The following PHLPP1 variants were observed in gnomAD, a reference collection of about 807,000 sequenced individuals.
PHLPP1 encodes the protein PH domain and leucine rich repeat protein phosphatase 1.
Under a neutral mutation model 117.2 loss-of-function variants are expected in PHLPP1, and 42 were observed. The observed-to-expected ratio is 0.36, with a 90% CI of 0.28 to 0.46. The LOEUF is 0.46. PHLPP1 is among the 20% of genes least tolerant of loss of function. The probability of loss-of-function intolerance (pLI) is 1.00; values close to 1 mark genes in which losing one functional copy is unlikely to be tolerated. For missense variants in PHLPP1, 2,084 were observed against 2,241.9 expected (o/e 0.93, Z 1.42); for synonymous variants, 1,042 against 970.7 (o/e 1.07, Z -1.37).
intron 1 of PHLPP1, among the ~76,000 whole-genome samples, chr18:62,770,334 T>C (rs1912717763): frequency 6.6e-6 from 1 of 152,222 alleles, no homozygotes; most frequent in Non-Finnish European, 1.5e-5. Flanking sequence ...TGTCTCAAGC[T>C]CCTGACCTCA....
intron 8 of PHLPP1, among the ~76,000 whole-genome samples, chr18:62,914,193 T>C (rs1917038661): frequency 6.6e-6 from 1 of 152,226 alleles, no homozygotes; most frequent in African/African-American, 2.4e-5. Flanking sequence ...TCCATGGCTG[T>C]GTTTTCATGA....
At chr18:62,844,666 A>G (rs927566126) in intron 3 of PHLPP1, among the ~76,000 whole-genome samples, 3 of 152,272 alleles carry the variant, frequency 2.0e-5, no homozygotes, top group Middle Eastern at 3.4e-3. Context: ...TCTTCTTACA[A>G]TTACTCTTTT....
intron 1 of PHLPP1, among the ~76,000 whole-genome samples, chr18:62,798,586 ATGT>A (rs914212050): frequency 1.3e-5 from 2 of 152,234 alleles, no homozygotes; most frequent in Non-Finnish European, 2.9e-5. Context: ...TTTTAGAGTT[ATGT>A]TGTTGAAGTA....
At chr18:62,915,381 T>A (rs1265230605) in intron 9 of PHLPP1, among the ~76,000 whole-genome samples, 1 of 152,186 alleles carries the variant, frequency 6.6e-6, no homozygotes, top group African/African-American at 2.4e-5. Flanking sequence ...TAACCATAAA[T>A]ACCTTTTGTT....
At position 62,978,995 on chromosome 18, in the gene PHLPP1, G is replaced by T; in HGVS notation, c.4718G>T (p.Arg1573Leu). Residue 1573 changes from arginine (R) to leucine (L), a missense_variant, in exon 17 of 17, where the codon CGG (arginine) becomes CTG (leucine). Physicochemically the swap from Arg to Leu is moderately radical, Grantham distance 102. Coordinates refer to ENST00000262719, the MANE Select transcript of PHLPP1 (RefSeq NM_194449.4). The surrounding 1 kb of genome is among the most constrained non-coding windows in gnomAD (Gnocchi z 7.0). ...VEVEVDIHCS[R>L]AKEKEKQQHL... ...GTGGAGGTGGACATCCACTGCAGCCGGGCCAAGGAGAAGGAGAAACAGCAG... is the reference window on the plus strand; with the variant it reads ...GTGGAGGTGGACATCCACTGCAGCCTGGCCAAGGAGAAGGAGAAACAGCAG... 7 of 1,612,860 alleles carry T rather than the reference G, an allele frequency of 4.3e-6. No homozygotes were observed. Among genetic ancestry groups the T allele is most frequent in the Non-Finnish European group, 5.9e-6 (7 of 1,179,482 alleles).
Position 62,978,683 on chromosome 18 carries a change from C to T in PHLPP1, c.4406C>T (p.Ser1469Phe), listed in dbSNP as rs1029631353. ...RPSDGLGVPS[S>F]SSGMASEISS... Reference sequence around the variant, plus strand: ...TCAGATGGGCTGGGCGTGCCGTCCTCCAGCAGCGGCATGGCTTCCGAGATT... The same window carrying T: ...TCAGATGGGCTGGGCGTGCCGTCCTTCAGCAGCGGCATGGCTTCCGAGATT... Residue 1469 changes from serine to phenylalanine, a missense_variant, in exon 17 of 17, where the codon TCC becomes TTC. Ser to Phe is a radical substitution (Grantham distance 155, BLOSUM62 -2). Coordinates refer to ENST00000262719, the MANE Select transcript of PHLPP1 (RefSeq NM_194449.4). The surrounding 1 kb of genome is among the most constrained non-coding windows in gnomAD (Gnocchi z 7.0). 3 of 1,613,904 alleles carry T rather than the reference C, an allele frequency of 1.9e-6. No homozygotes were observed. The highest frequency in any genetic ancestry group is 2.5e-6 in the Non-Finnish European group (3 of 1,179,860).
At chr18:62,847,514 TA>T (rs151209419) in intron 3 of PHLPP1, among the ~76,000 whole-genome samples, 8,641 of 152,246 alleles carry the variant, frequency 0.057, 341 homozygotes, top group Middle Eastern at 0.088. Flanking sequence ...TTATCTTTAA[TA>T]AAATAACTTC....
At position 62,979,751 on chromosome 18, in the gene PHLPP1, A is replaced by G. The variant is rs1911321776; in HGVS notation, c.*320A>G. The G allele has an allele frequency of 4.0e-6, 1 of 247,694 alleles. No homozygotes were observed. The highest frequency in any genetic ancestry group is 7.7e-6 in the Non-Finnish European group (1 of 130,500). The allele number at this position is 247,694 out of a possible 1,614,324, so 15.3% of individuals were successfully genotyped here. A position where few individuals can be genotyped will look rare whatever the true frequency, so the allele number is the denominator to read the frequency against. ...TAATGATAATGTAATATTTTTTAAA[A>G]TGGCTTTTTGTTGTTTGTTTGGAAG... On this transcript the variant is annotated 3_prime_UTR_variant, in exon 17 of 17. Coordinates refer to ENST00000262719, the MANE Select transcript of PHLPP1 (RefSeq NM_194449.4).
intron 4 of PHLPP1, 91 bp downstream of exon 4, chr18:62,860,692 G>C (rs1915610736): frequency 9.4e-7 from 1 of 1,066,318 alleles, no homozygotes; most frequent in Non-Finnish European, 1.3e-6. Context: ...CATGAAAAAA[G>C]CTAGTGTGTA....
At position 62,716,436 on chromosome 18, in the gene PHLPP1, G is replaced by A. The variant is rs1194650242; in HGVS notation, c.753G>A (p.Gly251=). The change falls in exon 1 of 17, where the codon GGG becomes GGA. Residue 251 remains glycine (G), a synonymous_variant. Coordinates refer to ENST00000262719, the MANE Select transcript of PHLPP1 (RefSeq NM_194449.4). This position sits in a 1 kb window ranked among gnomAD's most constrained non-coding sequence, Gnocchi z 5.7. ...GCGTGGTGAAGGTGCTGGGCCAGGG[G>A]CCCGGAGCCGCCGCCGCCCGGGAGC... ...GGGVVKVLGQ[G]PGAAAAREPA... is the part of the protein sequence containing the mutation. 4.8e-5 allele frequency: 63 copies of A among 1,325,284 alleles called. No homozygotes were observed. Among genetic ancestry groups the A allele is most frequent in the Non-Finnish European group, 6.0e-5 (62 of 1,041,108 alleles). 82.1% of individuals were successfully genotyped at this position (1,325,284 alleles called of 1,614,324 possible). A position where few individuals can be genotyped will look rare whatever the true frequency, so the allele number is the denominator to read the frequency against.
chr18:62,842,971 G>GGGA (rs1476150716), intron 3 of PHLPP1: 1 of 152,124 alleles, frequency 6.6e-6, no homozygotes, highest in Non-Finnish European at 1.5e-5. Context: ...CGCTCCATTT[G>GGGA]GGAATATATG....
At chr18:62,974,378 T>C (rs1467008299) in intron 15 of PHLPP1, among the ~76,000 whole-genome samples, 1 of 152,218 alleles carries the variant, frequency 6.6e-6, no homozygotes, top group Non-Finnish European at 1.5e-5. Context: ...GATTTCCTAA[T>C]GCATGCAAGT....
At chr18:62,860,356 G>T in intron 3 of PHLPP1, 79 bp from the exon 4 acceptor site, 2 of 1,175,858 alleles carry the variant, frequency 1.7e-6, no homozygotes, top group East Asian at 2.4e-5. Flanking sequence ...TTCCAAATTG[G>T]GATTATCTTA....
chr18:62,815,544 C>A (rs1914248720), intron 1 of PHLPP1, among the ~76,000 whole-genome samples: 1 of 152,172 alleles, frequency 6.6e-6, no homozygotes, highest in Non-Finnish European at 1.5e-5. Flanking sequence ...AGTTTCAGTT[C>A]CTCACCTTGT....
chr18:62,824,260 T>G lies in PHLPP1; in HGVS notation c.1577-5775T>G, dbSNP rs149356945. ...TATTTACCCGAGAGGAATCAAAACA[T>G]TTGTCTATACCAAGACTTGTACACC... On this transcript the variant is annotated intron_variant, in intron 1 of 16. Coordinates refer to ENST00000262719, the MANE Select transcript of PHLPP1 (RefSeq NM_194449.4). The G allele has an allele frequency of 4.2e-5, 19 of 452,826 alleles. No individual in the cohort carries two copies. The East Asian group carries it at 1.3e-3, about 31-fold the overall frequency. 28.1% of individuals were successfully genotyped at this position (452,826 alleles called of 1,614,324 possible). A position where few individuals can be genotyped will look rare whatever the true frequency, so the allele number is the denominator to read the frequency against.
chr18:62,836,135 A>C (rs1410658001), intron 2 of PHLPP1, among the ~76,000 whole-genome samples: 1 of 151,914 alleles, frequency 6.6e-6, no homozygotes, highest in South Asian at 2.1e-4. Context: ...AAAATAAATA[A>C]ATAAATTAAT....
At chr18:62,828,318 G>A (rs1046137546) in intron 1 of PHLPP1, among the ~76,000 whole-genome samples, 2 of 152,110 alleles carry the variant, frequency 1.3e-5, no homozygotes, top group Non-Finnish European at 2.9e-5. Context: ...TCCATCATTG[G>A]CAGCCCTTGG....
At chr18:62,856,242 C>T (rs1915495778) in intron 3 of PHLPP1, among the ~76,000 whole-genome samples, 1 of 152,110 alleles carries the variant, frequency 6.6e-6, no homozygotes, top group Non-Finnish European at 1.5e-5. Context: ...GATCACCTCA[C>T]ACTTCTCAGA....
At chr18:62,780,199 C>T (rs1329391504) in intron 1 of PHLPP1, among the ~76,000 whole-genome samples, 1 of 152,142 alleles carries the variant, frequency 6.6e-6, no homozygotes, top group Non-Finnish European at 1.5e-5. Flanking sequence ...CTTAACTGAA[C>T]ATTAAAACAT....
Sources: allele counts gnomAD v4.1 joint callset (sites outside exome capture counted in the v4.1 genomes callset), GRCh38; gene constraint gnomAD v4.1.1; non-coding constraint Gnocchi (gnomAD v3.1); transcripts MANE v1.5; gene names NCBI Gene and HGNC (gene_info 2026-07-23, HGNC 2026-07-21).